Variants in LRP5 observed in about 807,000 individuals in gnomAD.
LRP5 encodes LDL receptor related protein 5.
LRP5 carries 62 observed loss-of-function variants against 154.1 expected under a neutral mutation model. That is an observed-to-expected ratio of 0.40 (90% CI 0.33 to 0.50). The LOEUF (loss-of-function observed/expected upper bound fraction) is 0.50, where lower values mean the gene tolerates loss of function less well. Ranked by LOEUF, LRP5 falls within the 20% of genes least tolerant of loss-of-function variation. The probability of loss-of-function intolerance (pLI) is 0.55; values close to 1 mark genes in which losing one functional copy is unlikely to be tolerated. For synonymous variants in LRP5, 966 were observed against 1,011.5 expected, an observed-to-expected ratio of 0.96 and a Z score of 0.85; for missense variants, 1,915 against 2,336.7, an observed-to-expected ratio of 0.82 and a Z score of 3.72.
chr11:68,370,243 G>A (rs181447881), intron 5 of LRP5, among the ~76,000 whole-genome samples: 31 of 152,254 alleles, frequency 2.0e-4, no homozygotes, highest in African/African-American at 7.2e-4. Flanking sequence ...GGCTGCTCGT[G>A]GCTGAGCCCT....
intron 1 of LRP5, among the ~76,000 whole-genome samples, chr11:68,341,031 C>CTAG (rs1555071001): frequency 1.5e-5 from 2 of 135,712 alleles, no homozygotes; most frequent in African/African-American, 2.9e-5. Context: ...AGACAATAGT[C>CTAG]TAGTTACCCC....
chr11:68,306,878 AG>A, the LRP5 span, among the ~76,000 whole-genome samples: 11 of 152,230 alleles, frequency 7.2e-5, no homozygotes, highest in Non-Finnish European at 8.8e-5. Context: ...GACTGTCAGA[AG>A]GAGGAGAGAA....
chr11:68,318,076 A>G (rs2098594462), intron 1 of LRP5, among the ~76,000 whole-genome samples: 2 of 147,018 alleles, frequency 1.4e-5, no homozygotes, highest in Admixed American at 6.7e-5. Context: ...TTTTTTTGAG[A>G]TGGAGTCTTG....
At chr11:68,384,070 C>T (rs771316394) in intron 5 of LRP5, among the ~76,000 whole-genome samples, 1 of 152,200 alleles carries the variant, frequency 6.6e-6, no homozygotes, top group East Asian at 1.9e-4. Flanking sequence ...CTGCCTGCCT[C>T]AGTTTCCCCA....
intron 13 of LRP5, among the ~76,000 whole-genome samples, chr11:68,420,575 G>T (rs145004834): frequency 6.6e-6 from 1 of 151,926 alleles, no homozygotes; most frequent in South Asian, 2.1e-4. Context: ...GTGGTGGCGC[G>T]CACCTGTAAT....
At chr11:68,331,965 G>A (rs2098603079) in intron 1 of LRP5, among the ~76,000 whole-genome samples, 1 of 152,060 alleles carries the variant, frequency 6.6e-6, no homozygotes, top group South Asian at 2.1e-4. Context: ...GGGTGACTGG[G>A]CTGGGAGAGG....
chr11:68,304,549 C>T, the LRP5 span, among the ~76,000 whole-genome samples: 5 of 152,272 alleles, frequency 3.3e-5, no homozygotes, highest in East Asian at 1.9e-4. Flanking sequence ...CCACCATCCA[C>T]ACCCCAGAAT....
At chr11:68,361,612 G>A (rs996864743) in intron 3 of LRP5, among the ~76,000 whole-genome samples, 2 of 152,098 alleles carry the variant, frequency 1.3e-5, no homozygotes, top group Non-Finnish European at 2.9e-5. Flanking sequence ...ACTCCAGCCT[G>A]GGCGACAGAG....
At chr11:68,357,897 G>A (rs2098624533) in intron 3 of LRP5, 50 bp downstream of exon 3, 1 of 1,524,302 alleles carries the variant, frequency 6.6e-7, no homozygotes, top group Non-Finnish European at 8.9e-7. Context: ...TGTCCCCAGG[G>A]CTTTTGAAGG....
chr11:68,391,565 T>G (rs1255290724), intron 7 of LRP5, among the ~76,000 whole-genome samples: 1 of 152,220 alleles, frequency 6.6e-6, no homozygotes, highest in East Asian at 1.9e-4. Flanking sequence ...TTTCAGACCC[T>G]GCTTCTGAGC....
At chr11:68,372,336 CTG>C (rs2098634517) in intron 5 of LRP5, among the ~76,000 whole-genome samples, 1 of 76,466 alleles carries the variant, frequency 1.3e-5, no homozygotes, top group Non-Finnish European at 2.4e-5. Context: ...AGACCCGGGA[CTG>C]TGGTGGTGGT....
At chr11:68,328,778 T>C (rs1173208262) in intron 1 of LRP5, among the ~76,000 whole-genome samples, 5 of 152,228 alleles carry the variant, frequency 3.3e-5, no homozygotes, top group African/African-American at 9.6e-5. Flanking sequence ...ACTGTCTGTG[T>C]TATCTGGAGT....
rs58477287 is a variant in LRP5, at chr11:68,344,849, C to CTTTTTTTTTTT, written c.92-2978_92-2968dup. Among the ~76,000 whole-genome samples the CTTTTTTTTTTT allele has an allele frequency of 1.7e-4, 11 of 65,574 alleles. 3 individuals are homozygous for CTTTTTTTTTTT. The highest frequency in any genetic ancestry group is 2.3e-4 in the Non-Finnish European group (8 of 34,232). 43.0% of individuals were successfully genotyped at this position (65,574 alleles called of 152,430 possible). A position where few individuals can be genotyped will look rare whatever the true frequency, so the allele number is the denominator to read the frequency against. On this transcript the variant is annotated intron_variant, in intron 1 of 22. Coordinates refer to ENST00000294304, the MANE Select transcript of LRP5 (RefSeq NM_002335.4). ...TTGTAGCATGTGTCAGAATCTCTCT[C>CTTTTTTTTTTT]TTTTTTTTTTTTTTTTTTTTTTTTT...
chr11:68,395,583 T>C (rs1040392807), intron 7 of LRP5, among the ~76,000 whole-genome samples: 1 of 152,092 alleles, frequency 6.6e-6, no homozygotes, highest in Admixed American at 6.5e-5. Context: ...TTACACAGGC[T>C]GTTTCTAAGA....
Position 68,312,802 on chromosome 11 carries a change from G to A in LRP5, c.88G>A (p.Ala30Thr), listed in dbSNP as rs1259617399. Residue 30 changes from alanine (A) to threonine (T), a missense_variant, in exon 1 of 23, where the codon GCG becomes ACG. By Grantham distance (58) the Ala-to-Thr change is moderately conservative (BLOSUM62 0). Transcript: ENST00000294304. The part of the protein sequence containing the change: ...LALCGCPAPA[A>T]ASPLLLFANR... Reference sequence around the variant, plus strand: ...GCTGTGCGGCTGCCCGGCCCCCGCCGCGGGTAGGTGGGCGCAGGCCGGCCG... The same window carrying A: ...GCTGTGCGGCTGCCCGGCCCCCGCCACGGGTAGGTGGGCGCAGGCCGGCCG... The A allele has an allele frequency of 3.7e-6, 4 of 1,073,678 alleles. No individual in the cohort carries two copies. The highest frequency in any genetic ancestry group is 4.5e-6 in the Non-Finnish European group (4 of 883,954). 66.5% of individuals were successfully genotyped at this position (1,073,678 alleles called of 1,614,324 possible).
At chr11:68,341,690 C>CCA (rs2098609230) in intron 1 of LRP5, among the ~76,000 whole-genome samples, 4 of 152,176 alleles carry the variant, frequency 2.6e-5, no homozygotes, top group African/African-American at 9.7e-5. Flanking sequence ...ACCCCAGGAC[C>CCA]TTTGCCCAGG....
In LRP5 at chr11:68,438,631, G is replaced by C. The variant is rs199871539; in HGVS notation, c.4297G>C (p.Val1433Leu). The C allele has an allele frequency of 2.5e-6, 4 of 1,613,630 alleles. No homozygotes were observed. The highest frequency in any genetic ancestry group is 1.7e-5 in the Admixed American group (1 of 59,984). The change falls in exon 20 of 23, where the codon GTG becomes CTG. Residue 1433 changes from valine (V) to leucine (L), a missense_variant. By Grantham distance (32) the Val-to-Leu change is conservative. Transcript: ENST00000294304. The stretch of plus-strand genomic sequence containing the variant: ...CGAGTATGTCAGCGGGACCCCGCAC[G>C]TGCCCCTCAATTTCATAGCCCCGGG... ...PHEYVSGTPH[V>L]PLNFIAPGGS...
intron 14 of LRP5, 81 bp from the exon 15 acceptor site, chr11:68,425,021 C>A: frequency 1.5e-6 from 2 of 1,332,004 alleles, no homozygotes; most frequent in Non-Finnish European, 2.1e-6. Context: ...CTTTCCACAG[C>A]CCAGCTGGGT....
chr11:68,309,176 A>T (rs1317371179), upstream of LRP5, among the ~76,000 whole-genome samples: 1 of 150,724 alleles, frequency 6.6e-6, no homozygotes, highest in Non-Finnish European at 1.5e-5. Flanking sequence ...CTCGTGATCC[A>T]CCCACCTCGG....
Sources: gnomAD v4.1 joint callset for allele counts (sites outside exome capture counted in the v4.1 genomes callset) on GRCh38, gnomAD v4.1.1 for gene constraint, MANE v1.5 for transcripts, NCBI Gene and HGNC (gene_info 2026-07-23, HGNC 2026-07-21) for gene names.